RALY: variants seen among roughly 807,000 people sequenced by gnomAD.
RALY encodes the protein RNA-binding protein Raly.
In RALY, 15 loss-of-function variants were observed where a neutral mutation model predicts 30.7. The ratio of observed to expected loss-of-function variants is 0.49; its 90% CI spans 0.33 to 0.75. The LOEUF (loss-of-function observed/expected upper bound fraction) is 0.75. Among genes scored for constraint, RALY ranks in the 30% least tolerant of loss-of-function variants. The pLI is 0.02. For synonymous variants in RALY, 177 were observed against 170.8 expected (o/e 1.04, Z -0.28); for missense variants, 339 against 414.3 (o/e 0.82, Z 1.58).
At chr20:34,078,599 A>G in intron 9 of RALY, 46 bp downstream of exon 9, 1 of 1,481,930 alleles carries the variant, frequency 6.7e-7, no homozygotes, top group Non-Finnish European at 9.0e-7. Flanking sequence ...GAATCAGTGA[A>G]GTGGAGGTTG....
At chr20:34,048,627 C>T (rs1185572875) in intron 2 of RALY, among the ~76,000 whole-genome samples, 2 of 152,100 alleles carry the variant, frequency 1.3e-5, no homozygotes, top group Non-Finnish European at 2.9e-5. Context: ...GAGGCTGAGG[C>T]AGGTGGATCA....
intron 2 of RALY, among the ~76,000 whole-genome samples, chr20:34,047,983 C>T (rs909678716): frequency 1.3e-5 from 2 of 152,196 alleles, no homozygotes; most frequent in Non-Finnish European, 2.9e-5. Flanking sequence ...CAAGAAGGAG[C>T]CTCCAGGCCA....
chr20:34,056,058 T>TA (rs1451968099), intron 2 of RALY, among the ~76,000 whole-genome samples: 2 of 152,138 alleles, frequency 1.3e-5, no homozygotes, highest in Non-Finnish European at 2.9e-5. Flanking sequence ...CTGGGCTGCG[T>TA]ACAACATCAG....
chr20:34,050,870 C>T (rs1272885953), intron 2 of RALY, among the ~76,000 whole-genome samples: 1 of 152,216 alleles, frequency 6.6e-6, no homozygotes, highest in Non-Finnish European at 1.5e-5. Flanking sequence ...ACCAGGCTCT[C>T]ACCCACTCTG....
rs144694829 is a variant in RALY, at chr20:34,079,554, G to A, written c.*5-356G>A. The stretch of plus-strand genomic sequence containing the variant: ...AGCAAAGGCTTCCAGAAGAGCTTTA[G>A]AAAATTGTACATATGCAGTCTTCTT... On this transcript the variant is annotated intron_variant, in intron 9 of 9. Coordinates refer to ENST00000246194, the MANE Select transcript of RALY (RefSeq NM_016732.3). Among the ~76,000 whole-genome samples, 560 of 152,342 alleles carry A rather than the reference G, an allele frequency of 3.7e-3. 7 individuals are homozygous for A. Among genetic ancestry groups the A allele is most frequent in the African/African-American group, 0.013 (532 of 41,580 alleles).
intron 2 of RALY, among the ~76,000 whole-genome samples, chr20:34,039,010 A>G (rs1273167096): frequency 1.3e-5 from 2 of 152,170 alleles, no homozygotes; most frequent in African/African-American, 4.8e-5. Flanking sequence ...CTTTTTCCTC[A>G]GTTCTACAAA....
At position 34,080,458 on chromosome 20, in the gene RALY, A is replaced by AC. The variant is rs1488908964; in HGVS notation, c.*553_*554insC. On this transcript the variant is annotated 3_prime_UTR_variant, in exon 10 of 10. Coordinates refer to ENST00000246194, the MANE Select transcript of RALY (RefSeq NM_016732.3). ...TGAGCATCTTGCTGGCTGAAGTGTC[A>AC]AGCAGTTGTGACCCACTTGGTTTAC... 1 of 152,256 alleles carries AC rather than the reference A, an allele frequency of 6.6e-6. No individual in the cohort carries two copies. The highest frequency in any genetic ancestry group is 6.5e-5 in the Admixed American group (1 of 15,276). 9.4% of individuals were successfully genotyped at this position (152,256 alleles called of 1,614,324 possible). A position where few individuals can be genotyped will look rare whatever the true frequency, so the allele number is the denominator to read the frequency against.
At chr20:34,017,431 C>T (rs2031651503) in intron 1 of RALY, 1 of 152,268 alleles carries the variant, frequency 6.6e-6, no homozygotes, top group South Asian at 2.1e-4. Flanking sequence ...ACTTACCCTT[C>T]TACAGACTGA....
intron 5 of RALY, 150 bp downstream of exon 5, chr20:34,074,016 G>GACTGGGGTCCTGTGCT (rs1198162838): frequency 1.2e-6 from 1 of 804,322 alleles, no homozygotes; most frequent in African/African-American, 1.7e-5. Context: ...GCAGAGCTGA[G>GACTGGGGTCCTGTGCT]ACTGGGGTCC....
intron 2 of RALY, among the ~76,000 whole-genome samples, chr20:34,042,005 T>A (rs2032718148): frequency 6.6e-6 from 1 of 152,100 alleles, no homozygotes; most frequent in African/African-American, 2.4e-5. Flanking sequence ...TTCAGGAGGC[T>A]GAGATGGGAG....
chr20:34,011,032 TGG>T (rs11325275), intron 1 of RALY, among the ~76,000 whole-genome samples: 29 of 78,740 alleles, frequency 3.7e-4, no homozygotes, highest in African/African-American at 6.2e-4. Context: ...ATAAACTGGG[TGG>T]GGGGGGGGTT....
intron 8 of RALY, 93 bp downstream of exon 8, chr20:34,077,338 C>G: frequency 6.4e-7 from 1 of 1,566,370 alleles, no homozygotes; most frequent in Non-Finnish European, 8.7e-7. Flanking sequence ...CTGGTTGCCC[C>G]CACTGTGAAC....
At chr20:34,071,986 C>T in intron 2 of RALY, 80 bp from the exon 3 acceptor site, 1 of 1,480,048 alleles carries the variant, frequency 6.8e-7, no homozygotes, top group Non-Finnish European at 9.2e-7. Flanking sequence ...AGAGGCAATT[C>T]ATTTATCCAG....
At chr20:34,062,800 C>T (rs962384061) in intron 2 of RALY, among the ~76,000 whole-genome samples, 3 of 152,222 alleles carry the variant, frequency 2.0e-5, no homozygotes, top group African/African-American at 7.2e-5. Context: ...AATCAACCAA[C>T]AGCAAGCAGT....
At chr20:34,014,535 A>T (rs1304379260) in intron 1 of RALY, among the ~76,000 whole-genome samples, 1 of 152,222 alleles carries the variant, frequency 6.6e-6, no homozygotes, top group Non-Finnish European at 1.5e-5. Flanking sequence ...GAAATAATGC[A>T]TTTAAATTTG....
intron 2 of RALY, among the ~76,000 whole-genome samples, chr20:34,033,845 A>G (rs767333171): frequency 1.3e-5 from 2 of 152,040 alleles, no homozygotes; most frequent in Non-Finnish European, 2.9e-5. Flanking sequence ...GGAAATTTTC[A>G]CTGTAAATCT....
intron 2 of RALY, among the ~76,000 whole-genome samples, chr20:34,040,654 T>G (rs962003351): frequency 2.6e-5 from 4 of 152,232 alleles, no homozygotes; most frequent in Non-Finnish European, 5.9e-5. Context: ...ACATTTATTG[T>G]GTGCATACTG....
At chr20:34,018,720 A>G (rs2031702314) in intron 1 of RALY, among the ~76,000 whole-genome samples, 1 of 152,172 alleles carries the variant, frequency 6.6e-6, no homozygotes, top group African/African-American at 2.4e-5. Flanking sequence ...CTTCCACCCC[A>G]CAAATGCCCC....
chr20:34,075,542 G>A (rs544031338), intron 5 of RALY, among the ~76,000 whole-genome samples: 1 of 152,040 alleles, frequency 6.6e-6, no homozygotes, highest in South Asian at 2.1e-4. Flanking sequence ...CCAAGCAGAA[G>A]CCAGGTCATG....
Sources: gnomAD v4.1 joint callset for allele counts (sites outside exome capture counted in the v4.1 genomes callset) on GRCh38, gnomAD v4.1.1 for gene constraint, MANE v1.5 for transcripts, NCBI Gene and HGNC (gene_info 2026-07-23, HGNC 2026-07-21) for gene names.